CEP85L: variants seen among roughly 807,000 people sequenced by gnomAD.
The protein encoded by CEP85L is centrosomal protein of 85 kDa-like.
CEP85L carries 60 observed loss-of-function variants against 100.3 expected under a neutral mutation model. The observed-to-expected ratio is 0.60, with a 90% CI of 0.49 to 0.74. The LOEUF (loss-of-function observed/expected upper bound fraction) is 0.74. CEP85L is among the 30% of genes least tolerant of loss of function. The pLI, the probability that CEP85L is intolerant of heterozygous loss-of-function variation, is 0.00. For missense variants in CEP85L, 973 were observed against 936.2 expected (o/e 1.04, Z -0.51); for synonymous variants, 319 against 322.7 (o/e 0.99, Z 0.12).
chr6:118,608,718 C>T (rs1178949713), intron 2 of CEP85L, among the ~76,000 whole-genome samples: 1 of 152,116 alleles, frequency 6.6e-6, no homozygotes, highest in African/African-American at 2.4e-5. Context: ...TAAAAAAGTA[C>T]TTAAGTTAAT....
At chr6:118,689,282 T>C (rs572613611) in intron 1 of CEP85L, among the ~76,000 whole-genome samples, 63 of 152,302 alleles carry the variant, frequency 4.1e-4, no homozygotes, top group African/African-American at 1.4e-3. Context: ...AAATTCTGAG[T>C]TCTTAACTTC....
intron 1 of CEP85L, among the ~76,000 whole-genome samples, chr6:118,671,429 C>T (rs530703034): frequency 1.2e-3 from 179 of 152,228 alleles, no homozygotes; most frequent in African/African-American, 4.1e-3. Context: ...GGGAGCAGAA[C>T]TGAGAATACA....
intron 1 of CEP85L, among the ~76,000 whole-genome samples, chr6:118,703,621 C>A (rs1251931327): frequency 2.0e-5 from 3 of 152,158 alleles, no homozygotes; most frequent in Admixed American, 2.0e-4. Context: ...CTTCACGCAT[C>A]CCTGTAAAAT....
intron 4 of CEP85L, among the ~76,000 whole-genome samples, chr6:118,522,225 C>T (rs925671593): frequency 1.4e-4 from 21 of 151,966 alleles, no homozygotes; most frequent in African/African-American, 5.1e-4. Context: ...CCGGGCGTGA[C>T]GGCGCATGGC....
At chr6:118,697,499 C>T (rs964894723) in intron 1 of CEP85L, among the ~76,000 whole-genome samples, 7 of 152,216 alleles carry the variant, frequency 4.6e-5, no homozygotes, top group Non-Finnish European at 8.8e-5. Flanking sequence ...TCCACCTTCA[C>T]TTTGGTGGGA....
At chr6:118,537,274 G>A (rs1178718165) in intron 3 of CEP85L, among the ~76,000 whole-genome samples, 1 of 152,074 alleles carries the variant, frequency 6.6e-6, no homozygotes, top group Non-Finnish European at 1.5e-5. Flanking sequence ...GTAACTATGT[G>A]AGTTAATTTG....
At chr6:118,497,330 C>A (rs919959230) in intron 5 of CEP85L, among the ~76,000 whole-genome samples, 1 of 152,080 alleles carries the variant, frequency 6.6e-6, no homozygotes, top group Middle Eastern at 3.2e-3. Flanking sequence ...GCAATGATAG[C>A]GACCAAAATG....
chr6:118,558,324 T>C (rs2114964494), intron 3 of CEP85L, among the ~76,000 whole-genome samples: 1 of 152,256 alleles, frequency 6.6e-6, no homozygotes, highest in Non-Finnish European at 1.5e-5. Flanking sequence ...ATTAGAAGTG[T>C]TTGGGGTCTT....
chr6:118,637,088 A>C (rs773897102), intron 1 of CEP85L, among the ~76,000 whole-genome samples: 1 of 152,194 alleles, frequency 6.6e-6, no homozygotes, highest in Non-Finnish European at 1.5e-5. Flanking sequence ...CATCTACTCA[A>C]TATGATACCT....
intron 1 of CEP85L, among the ~76,000 whole-genome samples, chr6:118,647,659 G>C (rs1775290025): frequency 6.6e-6 from 1 of 152,156 alleles, no homozygotes; most frequent in Non-Finnish European, 1.5e-5. Context: ...ACTGCGCCTG[G>C]CTTATGTTAG....
At chr6:118,571,643 G>T (rs1037190820) in intron 2 of CEP85L, among the ~76,000 whole-genome samples, 7 of 151,508 alleles carry the variant, frequency 4.6e-5, no homozygotes, top group Non-Finnish European at 1.5e-5. Flanking sequence ...GGAATTAAAT[G>T]CAAAAAAAGA....
chr6:118,571,839 C>T (rs1419190005), intron 2 of CEP85L, among the ~76,000 whole-genome samples: 6 of 151,798 alleles, frequency 4.0e-5, no homozygotes, highest in African/African-American at 9.7e-5. Context: ...TAACCCTAAC[C>T]ACAAAGGCAA....
At chr6:118,500,692 A>G (rs577412129) in intron 5 of CEP85L, among the ~76,000 whole-genome samples, 1 of 152,244 alleles carries the variant, frequency 6.6e-6, no homozygotes, top group African/African-American at 2.4e-5. Context: ...TCAGTCTCCC[A>G]AGGTCCATGC....
intron 1 of CEP85L, among the ~76,000 whole-genome samples, chr6:118,707,514 C>T (rs1372016985): frequency 6.6e-6 from 1 of 152,094 alleles, no homozygotes; most frequent in Admixed American, 6.6e-5. Flanking sequence ...CTTTTTAGCT[C>T]CTCATTCAAT....
chr6:118,700,086 C>G (rs777577883), intron 1 of CEP85L, among the ~76,000 whole-genome samples: 1 of 152,222 alleles, frequency 6.6e-6, no homozygotes, highest in South Asian at 2.1e-4. Flanking sequence ...CTGTTGAAAT[C>G]AGGAGCCCTT....
At chr6:118,588,491 T>C (rs1194613510) in intron 2 of CEP85L, among the ~76,000 whole-genome samples, 1 of 152,158 alleles carries the variant, frequency 6.6e-6, no homozygotes, top group African/African-American at 2.4e-5. Flanking sequence ...AACATGCTGC[T>C]TCTGGATTAA....
intron 2 of CEP85L, among the ~76,000 whole-genome samples, chr6:118,612,156 C>G (rs1457698942): frequency 6.6e-6 from 1 of 151,370 alleles, no homozygotes; most frequent in African/African-American, 2.4e-5. Flanking sequence ...ATGGAAAAAA[C>G]TAGAAATTAA....
At chr6:118,485,401 A>G (rs2356491) in intron 6 of CEP85L, among the ~76,000 whole-genome samples, 71,847 of 151,604 alleles carry the variant, frequency 0.47, 17,349 homozygotes, top group Middle Eastern at 0.58. Flanking sequence ...ATGTATAACA[A>G]TTTTTAAAAC....
At chr6:118,663,425 A>G (rs1300955850) in intron 1 of CEP85L, among the ~76,000 whole-genome samples, 5 of 152,266 alleles carry the variant, frequency 3.3e-5, no homozygotes, top group African/African-American at 1.2e-4. Context: ...CAGCCTTTAA[A>G]GAAATATTTA....
Sources: allele counts gnomAD v4.1 joint callset (sites outside exome capture counted in the v4.1 genomes callset), GRCh38; gene constraint gnomAD v4.1.1; transcripts MANE v1.5; gene names NCBI Gene and HGNC (gene_info 2026-07-23, HGNC 2026-07-21).